KLHL1: variants seen among roughly 807,000 people sequenced by gnomAD.
KLHL1 encodes kelch-like protein 1.
KLHL1 carries 47 observed loss-of-function variants against 77.7 expected under a neutral mutation model. The ratio of observed to expected loss-of-function variants is 0.60; its 90% CI spans 0.48 to 0.77. The LOEUF (loss-of-function observed/expected upper bound fraction) is 0.77. KLHL1 is among the 30% of genes least tolerant of loss of function. The probability of loss-of-function intolerance (pLI) is 0.00; values close to 1 mark genes in which losing one functional copy is unlikely to be tolerated. For synonymous variants in KLHL1, 360 were observed against 325.2 expected, an observed-to-expected ratio of 1.11 and a Z score of -1.15; for missense variants, 925 against 910.8, an observed-to-expected ratio of 1.02 and a Z score of -0.20.
chr13:69,928,334 T>C (rs1266528352), intron 4 of KLHL1, among the ~76,000 whole-genome samples: 1 of 152,204 alleles, frequency 6.6e-6, no homozygotes, highest in Non-Finnish European at 1.5e-5. Context: ...AACATCCGAT[T>C]CCCTAACTTT....
intron 1 of KLHL1, among the ~76,000 whole-genome samples, chr13:70,087,894 A>G (rs766623980): frequency 5.9e-5 from 9 of 152,064 alleles, no homozygotes; most frequent in Non-Finnish European, 1.0e-4. Context: ...AGAGAGGGGA[A>G]CAACACACAC....
At chr13:70,072,749 T>G (rs1207302988) in intron 1 of KLHL1, among the ~76,000 whole-genome samples, 1 of 152,076 alleles carries the variant, frequency 6.6e-6, no homozygotes. Context: ...GTCATCTATT[T>G]ATGATAAAAG....
chr13:69,770,727 T>C (rs2137981777), intron 7 of KLHL1, among the ~76,000 whole-genome samples: 1 of 152,276 alleles, frequency 6.6e-6, no homozygotes, highest in Admixed American at 6.5e-5. Flanking sequence ...GAATAATAAA[T>C]AAGATCCTAA....
At chr13:69,978,897 A>G (rs966679044) in intron 1 of KLHL1, among the ~76,000 whole-genome samples, 2 of 152,156 alleles carry the variant, frequency 1.3e-5, no homozygotes, top group Non-Finnish European at 2.9e-5. Flanking sequence ...TGGGTGTACT[A>G]TTAAAGAAAA....
chr13:69,748,717 A>T (rs1408899054), intron 7 of KLHL1, among the ~76,000 whole-genome samples: 1 of 152,022 alleles, frequency 6.6e-6, no homozygotes, highest in African/African-American at 2.4e-5. Flanking sequence ...AAATGCAGAT[A>T]ACAGTGCTCG....
intron 5 of KLHL1, among the ~76,000 whole-genome samples, chr13:69,869,947 A>T (rs1288451535): frequency 6.6e-6 from 1 of 152,234 alleles, no homozygotes; most frequent in Non-Finnish European, 1.5e-5. Context: ...CATACAAGAG[A>T]TAATTTATTT....
At position 69,821,255 on chromosome 13, in the gene KLHL1, TAAAG is replaced by T. The variant is rs1279508789; in HGVS notation, c.1414+17717_1414+17720del. On this transcript the variant is annotated intron_variant, in intron 6 of 10. Transcript: ENST00000377844. ...TAAATCATAAATTATTACGAGAAAA[TAAAG>T]ATTTAAAAGCTTAACAAATGTTCAT... Among the ~76,000 whole-genome samples the T allele has an allele frequency of 9.2e-5, 14 of 152,160 alleles. No homozygotes were observed. In the East Asian group the frequency reaches 2.5e-3, roughly 27 times the overall value.
chr13:69,927,673 T>C (rs940611832), intron 4 of KLHL1, among the ~76,000 whole-genome samples: 5 of 152,156 alleles, frequency 3.3e-5, no homozygotes, highest in African/African-American at 9.7e-5. Context: ...TCATTAGACA[T>C]AGGAAAATCA....
At chr13:69,889,041 G>T (rs895747507) in intron 4 of KLHL1, among the ~76,000 whole-genome samples, 1 of 146,272 alleles carries the variant, frequency 6.8e-6, no homozygotes, top group Non-Finnish European at 1.5e-5. Context: ...TGTTGCATAG[G>T]TCATATATAT....
intron 1 of KLHL1, among the ~76,000 whole-genome samples, chr13:70,032,338 A>G (rs1886124014): frequency 6.6e-6 from 1 of 152,204 alleles, no homozygotes; most frequent in Non-Finnish European, 1.5e-5. Flanking sequence ...AGAAGAGAAA[A>G]TCTGAAGCCA....
At chr13:69,918,176 G>C (rs1185641764) in intron 4 of KLHL1, among the ~76,000 whole-genome samples, 1 of 151,900 alleles carries the variant, frequency 6.6e-6, no homozygotes, top group Non-Finnish European at 1.5e-5. Context: ...TTGTTTATCT[G>C]AAATAAATTT....
intron 1 of KLHL1, among the ~76,000 whole-genome samples, chr13:70,000,346 T>C (rs1885256485): frequency 6.6e-6 from 1 of 151,978 alleles, no homozygotes. Context: ...AGCTAAAATG[T>C]TTTTAAATTC....
intron 9 of KLHL1, among the ~76,000 whole-genome samples, chr13:69,718,525 G>A (rs1872880999): frequency 6.6e-6 from 1 of 151,374 alleles, no homozygotes; most frequent in South Asian, 2.1e-4. Flanking sequence ...ATTTGTTAGA[G>A]TAGAGTTACT....
rs1883289376 is a variant in KLHL1, at chr13:69,939,368, T to TATATATATATATAC, written c.1014+671_1014+672insGTATATATATATAT. Reference sequence around the variant, plus strand: ...ATATATATATATATATATATATATATATATATATATACACACACACACGCA... The same window carrying TATATATATATATAC: ...ATATATATATATATATATATATATATATATATATATATACATATATATATACACACACACACGCA... On this transcript the variant is annotated intron_variant, in intron 4 of 10. Transcript: ENST00000377844. 7.8e-5 allele frequency among the ~76,000 whole-genome samples: 7 copies of TATATATATATATAC among 89,484 alleles called. 1 individual carries two copies. The highest frequency in any genetic ancestry group is 1.7e-4 in the Non-Finnish European group (7 of 42,154). 58.7% of individuals were successfully genotyped at this position (89,484 alleles called of 152,430 possible). A position where few individuals can be genotyped will look rare whatever the true frequency, so the allele number is the denominator to read the frequency against.
intron 6 of KLHL1, 61 bp downstream of exon 6, chr13:69,838,915 A>C (rs1879132650): frequency 9.0e-7 from 1 of 1,114,258 alleles, no homozygotes; most frequent in Non-Finnish European, 1.2e-6. Context: ...CCATTACAAT[A>C]TAAAAGCTGC....
intron 1 of KLHL1, among the ~76,000 whole-genome samples, chr13:70,031,338 C>T (rs1818006924): frequency 1.3e-5 from 2 of 152,146 alleles, no homozygotes; most frequent in African/African-American, 2.4e-5. Flanking sequence ...ATGGGGATGA[C>T]TTGATCCTAA....
rs1884057621 is a variant in KLHL1, at chr13:69,961,334, C to T, written c.791G>A (p.Trp264Ter). 1 of 1,612,542 alleles carries T rather than the reference C, an allele frequency of 6.2e-7. No individual in the cohort carries two copies. The highest frequency in any genetic ancestry group is 1.3e-5 in the African/African-American group (1 of 74,926). Residue 264 changes from tryptophan (W) to a stop codon, truncating the protein, a stop_gained, in exon 3 of 11, where the codon TGG becomes TAG. Transcript: ENST00000377844. LOFTEE classifies it high-confidence loss of function. ...KMEGIDPNAL[W>*]DLVQFAYTGC... is the part of the protein sequence containing the mutation. The stretch of plus-strand genomic sequence containing the variant: ...TGTATATGCAAATTGGACAAGGTCC[C>T]AGAGAGCATTGGGGTCTATGCCTTC...
intron 5 of KLHL1, among the ~76,000 whole-genome samples, chr13:69,860,565 G>A (rs1013630651): frequency 2.6e-5 from 4 of 151,798 alleles, no homozygotes; most frequent in African/African-American, 9.6e-5. Context: ...ATCCTTTTAA[G>A]CTTAATAAAC....
At position 69,729,846 on chromosome 13, in the gene KLHL1, T is replaced by C. The variant is rs762920342; in HGVS notation, c.1803-10265A>G. Among the ~76,000 whole-genome samples the C allele has an allele frequency of 4.9e-4, 75 of 152,206 alleles. 1 individual carries two copies. Among genetic ancestry groups the C allele is most frequent in the Non-Finnish European group, 1.6e-4 (11 of 68,032 alleles). On this transcript the variant is annotated intron_variant, in intron 8 of 10. Coordinates refer to ENST00000377844, the MANE Select transcript of KLHL1 (RefSeq NM_020866.3). ...TTAAAATTCATATTTAATTAAAGTG[T>C]AAGCAATTTTGGCAATGTAAGAATT...
Sources: gnomAD v4.1 joint callset for allele counts (sites outside exome capture counted in the v4.1 genomes callset) on GRCh38, gnomAD v4.1.1 for gene constraint, MANE v1.5 for transcripts, NCBI Gene and HGNC (gene_info 2026-07-23, HGNC 2026-07-21) for gene names.